Variants in VWA8 observed in about 807,000 individuals in gnomAD.
VWA8 encodes von Willebrand factor A domain containing 8.
A neutral mutation model predicts 241.5 loss-of-function variants in VWA8; 221 were observed. The observed-to-expected ratio is 0.91, with a 90% CI of 0.82 to 1.02. The LOEUF is 1.02. Ranked by LOEUF, VWA8 falls within the 50% of genes least tolerant of loss-of-function variation. The probability of loss-of-function intolerance (pLI) is 0.00; values close to 1 mark genes in which losing one functional copy is unlikely to be tolerated. For synonymous variants in VWA8, 852 were observed against 827.1 expected (o/e 1.03, Z -0.52); for missense variants, 2,322 against 2,328.7 (o/e 1.00, Z 0.06).
At chr13:41,952,240 A>C (rs1248272953) in intron 1 of VWA8, among the ~76,000 whole-genome samples, 1 of 152,188 alleles carries the variant, frequency 6.6e-6, no homozygotes, top group Non-Finnish European at 1.5e-5. Context: ...TCTCTAATGC[A>C]TGTTTGAGAT....
rs1211983156 is a variant in VWA8 at position 41,852,812 on chromosome 13, C to A, written c.1425+12924G>T. On this transcript the variant is annotated intron_variant, in intron 12 of 44. Transcript: ENST00000379310. ...GGCTCTCTATTCTGGTTCCATCCATCCATATGTTTGTTTTTAATGCCATGC... is the reference window on the plus strand; with the variant it reads ...GGCTCTCTATTCTGGTTCCATCCATACATATGTTTGTTTTTAATGCCATGC... Among the ~76,000 whole-genome samples, 6 of 152,216 alleles carry A rather than the reference C, an allele frequency of 3.9e-5. No homozygotes were observed. The East Asian group carries it at 1.2e-3, about 29-fold the overall frequency.
rs1342610824 is a variant in VWA8, at chr13:41,761,142, A to G, written c.2412T>C (p.Tyr804=). The change falls in exon 21 of 45, where the codon TAT becomes TAC. Residue 804 remains tyrosine (Y), a synonymous_variant. Transcript: ENST00000379310. ...AATAGTCTTACCTGTGTAGCTGAAT[A>G]TATTCTCGGGGTCTGTTGAGCAGGT... The part of the protein sequence containing the change: ...FLHLLNRPRE[Y]IQLHRDTTVQ... The G allele has an allele frequency of 1.2e-6, 2 of 1,611,766 alleles. No individual in the cohort carries two copies. The highest frequency in any genetic ancestry group is 1.7e-6 in the Non-Finnish European group (2 of 1,178,410).
chr13:41,836,683 G>A (rs1277677353), intron 12 of VWA8, among the ~76,000 whole-genome samples: 1 of 152,018 alleles, frequency 6.6e-6, no homozygotes, highest in Non-Finnish European at 1.5e-5. Flanking sequence ...ATTCAAGTAA[G>A]TAAACATTTA....
At chr13:41,897,420 T>A (rs1374859928) in intron 4 of VWA8, among the ~76,000 whole-genome samples, 1 of 152,114 alleles carries the variant, frequency 6.6e-6, no homozygotes, top group Non-Finnish European at 1.5e-5. Flanking sequence ...GATGAGGATG[T>A]GGAGAAAAGA....
chr13:41,662,809 A>G (rs1180821482), intron 37 of VWA8, among the ~76,000 whole-genome samples: 2 of 152,172 alleles, frequency 1.3e-5, no homozygotes, highest in Non-Finnish European at 1.5e-5. Context: ...CCTTATTCCC[A>G]GCATTACAGG....
chr13:41,738,112 T>A (rs1367693706), intron 21 of VWA8, among the ~76,000 whole-genome samples: 1 of 152,170 alleles, frequency 6.6e-6, no homozygotes, highest in Non-Finnish European at 1.5e-5. Context: ...GGAATATTAT[T>A]ATACAGTGTT....
At chr13:41,842,978 A>C (rs571643046) in intron 12 of VWA8, among the ~76,000 whole-genome samples, 1 of 152,338 alleles carries the variant, frequency 6.6e-6, no homozygotes, top group East Asian at 1.9e-4. Context: ...TTACTGGGTA[A>C]AATGTAAATT....
At chr13:41,816,266 G>C (rs1870687522) in intron 16 of VWA8, among the ~76,000 whole-genome samples, 1 of 152,138 alleles carries the variant, frequency 6.6e-6, no homozygotes, top group South Asian at 2.1e-4. Context: ...GAGACTTACA[G>C]AGTTAAACAG....
At position 41,941,569 on chromosome 13, in the gene VWA8, T is replaced by G. The variant is rs146909577; in HGVS notation, c.241+8367A>C. On this transcript the variant is annotated intron_variant, in intron 2 of 44. Transcript: ENST00000379310. ...AATTTAGATGAAATGCATACAGAAT[T>G]TATTTATTAAGAACAAGACTAAATG... Among the ~76,000 whole-genome samples, 5 of 152,332 alleles carry G rather than the reference T, an allele frequency of 3.3e-5. No homozygotes were observed. The East Asian group carries it at 7.7e-4, about 23-fold the overall frequency.
At chr13:41,606,285 TGG>T (rs2044553376) in intron 39 of VWA8, among the ~76,000 whole-genome samples, 2 of 152,108 alleles carry the variant, frequency 1.3e-5, no homozygotes, top group African/African-American at 4.8e-5. Flanking sequence ...TAACATATAA[TGG>T]GTGCTCAAAA....
chr13:41,898,644 G>T (rs928607369), intron 4 of VWA8, among the ~76,000 whole-genome samples: 1 of 152,222 alleles, frequency 6.6e-6, no homozygotes, highest in Non-Finnish European at 1.5e-5. Flanking sequence ...GCATTCGTCC[G>T]GGAGGCTCGG....
intron 17 of VWA8, among the ~76,000 whole-genome samples, chr13:41,788,974 T>C (rs1308786668): frequency 1.3e-4 from 20 of 152,172 alleles, no homozygotes; most frequent in Admixed American, 1.3e-3. Context: ...ACGGATGCCT[T>C]CCCTTCACCA....
chr13:41,777,475 C>T (rs970119366), intron 20 of VWA8, among the ~76,000 whole-genome samples: 10 of 152,086 alleles, frequency 6.6e-5, no homozygotes, highest in African/African-American at 2.2e-4. Flanking sequence ...AAAGAAGGGG[C>T]CATGGCTTAG....
chr13:41,832,702 C>T (rs1871525496), intron 13 of VWA8, among the ~76,000 whole-genome samples: 1 of 152,038 alleles, frequency 6.6e-6, no homozygotes, highest in Non-Finnish European at 1.5e-5. Flanking sequence ...TCATTAATCT[C>T]CTAAAATGAT....
At chr13:41,843,693 C>T (rs1009446457) in intron 12 of VWA8, among the ~76,000 whole-genome samples, 2 of 151,588 alleles carry the variant, frequency 1.3e-5, no homozygotes, top group African/African-American at 4.8e-5. Context: ...GATCATCAAT[C>T]AATGCCTACT....
rs2044273041 is a variant in VWA8, at chr13:41,568,106, T to A, written c.*91A>T. On this transcript the variant is annotated 3_prime_UTR_variant, in exon 45 of 45. Transcript: ENST00000379310. ...GGAATCATCCAGTCACTGCATGGGTTCACTTCATCCATATCTTCTTTTTTT... is the reference window on the plus strand; with the variant it reads ...GGAATCATCCAGTCACTGCATGGGTACACTTCATCCATATCTTCTTTTTTT... The A allele has an allele frequency of 5.5e-6, 6 of 1,084,190 alleles. No individual in the cohort carries two copies. In the East Asian group the frequency reaches 1.4e-4, roughly 26 times the overall value. The allele number at this position is 1,084,190 out of a possible 1,614,324, so 67.2% of individuals were successfully genotyped here.
At chr13:41,760,512 G>T (rs1292967005) in intron 21 of VWA8, among the ~76,000 whole-genome samples, 1 of 151,734 alleles carries the variant, frequency 6.6e-6, no homozygotes, top group Non-Finnish European at 1.5e-5. Context: ...TTCATTACTT[G>T]ATATATTTCT....
chr13:41,724,469 A>G (rs2045416488), intron 24 of VWA8, among the ~76,000 whole-genome samples: 2 of 152,174 alleles, frequency 1.3e-5, no homozygotes, highest in Admixed American at 1.3e-4. Context: ...GGGAGGGCAG[A>G]ACAGCTAGAG....
chr13:41,920,652 T>C (rs1876478912), intron 2 of VWA8, among the ~76,000 whole-genome samples: 1 of 152,150 alleles, frequency 6.6e-6, no homozygotes. Flanking sequence ...GAGAGAATAC[T>C]ATAAACACTT....
Sources: allele counts gnomAD v4.1 joint callset (sites outside exome capture counted in the v4.1 genomes callset), GRCh38; gene constraint gnomAD v4.1.1; transcripts MANE v1.5; gene names NCBI Gene and HGNC (gene_info 2026-07-23, HGNC 2026-07-21).